LDB2: variants seen among roughly 807,000 people sequenced by gnomAD.
The protein encoded by LDB2 is LIM domain-binding protein 2.
In LDB2, 12 loss-of-function variants were observed where a neutral mutation model predicts 44.3. The observed-to-expected ratio is 0.27, with a 90% CI of 0.17 to 0.44. LDB2 has a LOEUF of 0.44. Ranked by LOEUF, LDB2 falls within the 20% of genes least tolerant of loss-of-function variation. LDB2 has a pLI of 1.00. For synonymous variants in LDB2, 164 were observed against 174.8 expected (o/e 0.94, Z 0.49); for missense variants, 344 against 473.5 (o/e 0.73, Z 2.54).
intron 1 of LDB2, among the ~76,000 whole-genome samples, chr4:16,885,781 A>G (rs1223399129): frequency 6.6e-6 from 1 of 152,184 alleles, no homozygotes; most frequent in Non-Finnish European, 1.5e-5. Flanking sequence ...AAAAGGATCC[A>G]CCCTCAAGTT....
At chr4:16,512,239 A>G in intron 5 of LDB2, 135 bp from the exon 6 acceptor site, 1 of 824,774 alleles carries the variant, frequency 1.2e-6, no homozygotes, top group Non-Finnish European at 1.8e-6. Flanking sequence ...CTTTATATAA[A>G]TGTGAGGAAA....
At chr4:16,547,401 C>T (rs955573387) in intron 5 of LDB2, among the ~76,000 whole-genome samples, 4 of 152,174 alleles carry the variant, frequency 2.6e-5, no homozygotes, top group Non-Finnish European at 5.9e-5. Flanking sequence ...TAATTTGTTA[C>T]AGTGGCTGTA....
chr4:16,680,818 T>C (rs1747648642), intron 2 of LDB2, among the ~76,000 whole-genome samples: 1 of 152,198 alleles, frequency 6.6e-6, no homozygotes. Context: ...CCTCCTACAA[T>C]GCAACATGTC....
At chr4:16,887,204 G>A (rs1201795951) in intron 1 of LDB2, among the ~76,000 whole-genome samples, 1 of 149,950 alleles carries the variant, frequency 6.7e-6, no homozygotes, top group Non-Finnish European at 1.5e-5. Flanking sequence ...ATAGTGACAG[G>A]AGAGTGCTAA....
intron 2 of LDB2, among the ~76,000 whole-genome samples, chr4:16,691,881 A>G (rs1459146849): frequency 1.3e-5 from 2 of 152,202 alleles, no homozygotes; most frequent in Non-Finnish European, 2.9e-5. Context: ...GCTTAAATTA[A>G]TAATCCCTTG....
chr4:16,529,660 C>T (rs1167143394), intron 5 of LDB2, among the ~76,000 whole-genome samples: 1 of 152,212 alleles, frequency 6.6e-6, no homozygotes, highest in African/African-American at 2.4e-5. Flanking sequence ...TCTTCTTCCT[C>T]GTGTCCTATC....
At chr4:16,596,024 T>C in intron 2 of LDB2, 149 bp from the exon 3 acceptor site, 1 of 739,640 alleles carries the variant, frequency 1.4e-6, no homozygotes, top group Non-Finnish European at 2.1e-6. Flanking sequence ...AAAACAGCCA[T>C]GACCCTTCTG....
chr4:16,799,259 T>C (rs542972791), intron 1 of LDB2, among the ~76,000 whole-genome samples: 178 of 152,230 alleles, frequency 1.2e-3, no homozygotes, highest in Non-Finnish European at 2.1e-3. Context: ...CTGGAGGATC[T>C]AGAAAGAAGT....
chr4:16,600,703 T>G (rs745937931), intron 2 of LDB2, among the ~76,000 whole-genome samples: 2 of 152,152 alleles, frequency 1.3e-5, no homozygotes, highest in Non-Finnish European at 2.9e-5. Context: ...TTTGTTTACA[T>G]CCATCCCTAC....
chr4:16,532,276 A>G (rs1239294849), intron 5 of LDB2, among the ~76,000 whole-genome samples: 52 of 152,168 alleles, frequency 3.4e-4, no homozygotes, highest in Admixed American at 3.4e-3. Context: ...TTTCCTTACC[A>G]TGGCTAAAGC....
intron 1 of LDB2, among the ~76,000 whole-genome samples, chr4:16,815,979 G>A (rs151070776): frequency 0.028 from 4,226 of 152,256 alleles, 142 homozygotes; most frequent in African/African-American, 0.08. Context: ...AGGCCGAGGC[G>A]GGTGGATCGT....
intron 1 of LDB2, among the ~76,000 whole-genome samples, chr4:16,761,501 T>C (rs1767918473): frequency 6.6e-6 from 1 of 152,198 alleles, no homozygotes; most frequent in Non-Finnish European, 1.5e-5. Flanking sequence ...TAACACATCA[T>C]GGCGGAATTC....
At chr4:16,869,001 T>C (rs1259166413) in intron 1 of LDB2, among the ~76,000 whole-genome samples, 1 of 152,082 alleles carries the variant, frequency 6.6e-6, no homozygotes, top group African/African-American at 2.4e-5. Flanking sequence ...TTATTGGTGA[T>C]GATGATGCTG....
chr4:16,517,135 C>A (rs1254692998), intron 5 of LDB2, among the ~76,000 whole-genome samples: 3 of 152,164 alleles, frequency 2.0e-5, no homozygotes. Context: ...CCGTTGGGAG[C>A]TGCCATTCCT....
intron 5 of LDB2, among the ~76,000 whole-genome samples, chr4:16,570,504 A>AAAAAAAG (rs1560506195): frequency 7.0e-6 from 1 of 143,004 alleles, no homozygotes; most frequent in Non-Finnish European, 1.5e-5. Flanking sequence ...AAAAAAAAAA[A>AAAAAAAG]GTTTACATCT....
chr4:16,752,406 C>G, intron 2 of LDB2: 1 of 453,234 alleles, frequency 2.2e-6, no homozygotes, highest in South Asian at 1.6e-5. Flanking sequence ...GTTTAACTCA[C>G]CATTTTCCAT....
At chr4:16,586,036 T>C in intron 4 of LDB2, 31 bp from the exon 5 acceptor site, 1 of 1,530,212 alleles carries the variant, frequency 6.5e-7, no homozygotes, top group South Asian at 1.1e-5. Flanking sequence ...ACATGTATTT[T>C]ATCACTACAG....
chr4:16,720,513 A>T (rs1387659690), intron 2 of LDB2, among the ~76,000 whole-genome samples: 1 of 152,084 alleles, frequency 6.6e-6, no homozygotes, highest in Non-Finnish European at 1.5e-5. Context: ...CTCTGGTTGA[A>T]CCTTGACTGA....
intron 3 of LDB2, among the ~76,000 whole-genome samples, chr4:16,590,327 C>T (rs1718484518): frequency 6.6e-6 from 1 of 152,124 alleles, no homozygotes; most frequent in African/African-American, 2.4e-5. Flanking sequence ...AAAAAACACA[C>T]TCAAAAACAA....
Sources: allele counts gnomAD v4.1 joint callset (sites outside exome capture counted in the v4.1 genomes callset), GRCh38; gene constraint gnomAD v4.1.1; transcripts MANE v1.5; gene names NCBI Gene and HGNC (gene_info 2026-07-23, HGNC 2026-07-21).